DENND1B: variants seen among roughly 807,000 people sequenced by gnomAD.
The protein encoded by DENND1B is DENN domain containing 1B, also known as DENN domain-containing protein 1B.
A neutral mutation model predicts 90.1 loss-of-function variants in DENND1B; 59 were observed. That is an observed-to-expected ratio of 0.65 (90% CI 0.53 to 0.81). The LOEUF (loss-of-function observed/expected upper bound fraction) is 0.81, where lower values mean the gene tolerates loss of function less well. Ranked by LOEUF, DENND1B falls within the 40% of genes least tolerant of loss-of-function variation. The pLI is 0.00. For missense variants in DENND1B, 862 were observed against 912.6 expected (o/e 0.94, Z 0.71); for synonymous variants, 337 against 324.6 (o/e 1.04, Z -0.41).
At chr1:197,633,733 A>G (rs778508465) in intron 10 of DENND1B, among the ~76,000 whole-genome samples, 2 of 152,066 alleles carry the variant, frequency 1.3e-5, no homozygotes, top group Non-Finnish European at 2.9e-5. Context: ...AAGCCTTTCT[A>G]CTGCCTGGTT....
intron 3 of DENND1B, among the ~76,000 whole-genome samples, chr1:197,708,266 C>T (rs2102202621): frequency 2.1e-5 from 1 of 48,718 alleles, no homozygotes; most frequent in African/African-American, 8.7e-5. Flanking sequence ...GGCTCCACCT[C>T]TGGGGGCAGG....
At chr1:197,520,584 C>G (rs1201633551) in intron 20 of DENND1B, among the ~76,000 whole-genome samples, 1 of 151,850 alleles carries the variant, frequency 6.6e-6, no homozygotes, top group Non-Finnish European at 1.5e-5. Flanking sequence ...ACTGTACAGA[C>G]CTGGTGTAGC....
intron 10 of DENND1B, among the ~76,000 whole-genome samples, chr1:197,619,885 G>A (rs183699588): frequency 3.1e-4 from 47 of 151,290 alleles, no homozygotes; most frequent in Non-Finnish European, 7.4e-5. Flanking sequence ...TGCTAATCAA[G>A]ATCTACCAGA....
chr1:197,675,877 C>G (rs190809051), intron 3 of DENND1B, among the ~76,000 whole-genome samples: 4 of 151,914 alleles, frequency 2.6e-5, no homozygotes, highest in African/African-American at 7.3e-5. Context: ...TCAAGACGAA[C>G]GCTTCCCAGT....
chr1:197,666,821 C>T (rs1654979472), intron 5 of DENND1B, among the ~76,000 whole-genome samples: 1 of 152,116 alleles, frequency 6.6e-6, no homozygotes, highest in African/African-American at 2.4e-5. Flanking sequence ...TCCTTTTCCC[C>T]CTAAAATTAC....
At chr1:197,730,175 T>A (rs1662024482) in intron 2 of DENND1B, among the ~76,000 whole-genome samples, 1 of 152,118 alleles carries the variant, frequency 6.6e-6, no homozygotes, top group African/African-American at 2.4e-5. Flanking sequence ...AAAGTCAAGG[T>A]ATAATTATTT....
chr1:197,539,069 T>C (rs1205494017), intron 20 of DENND1B, among the ~76,000 whole-genome samples: 1 of 152,160 alleles, frequency 6.6e-6, no homozygotes, highest in Non-Finnish European at 1.5e-5. Context: ...CAGCACAAAA[T>C]GGGCTCAAAG....
chr1:197,606,844 T>C (rs191305608), intron 13 of DENND1B: 16 of 420,602 alleles, frequency 3.8e-5, no homozygotes, highest in Non-Finnish European at 5.5e-5. Context: ...TGCATCTAGC[T>C]TTTTAATTAT....
intron 5 of DENND1B, among the ~76,000 whole-genome samples, chr1:197,665,483 G>C (rs1240877038): frequency 6.6e-6 from 1 of 152,048 alleles, no homozygotes; most frequent in Non-Finnish European, 1.5e-5. Context: ...AGACCACTTG[G>C]CTATGGTAAA....
chr1:197,547,497 T>C (rs1670903051), intron 16 of DENND1B, among the ~76,000 whole-genome samples: 1 of 152,220 alleles, frequency 6.6e-6, no homozygotes, highest in African/African-American at 2.4e-5. Flanking sequence ...GATTCACTTC[T>C]GTATTTAAAA....
At chr1:197,577,839 G>A (rs1290050527) in intron 15 of DENND1B, among the ~76,000 whole-genome samples, 5 of 152,148 alleles carry the variant, frequency 3.3e-5, no homozygotes, top group Non-Finnish European at 5.9e-5. Context: ...GAATGTTAGA[G>A]ATGAGAGGTA....
At chr1:197,543,174 A>C (rs1670471095) in intron 18 of DENND1B, among the ~76,000 whole-genome samples, 1 of 152,124 alleles carries the variant, frequency 6.6e-6, no homozygotes, top group Admixed American at 6.6e-5. Context: ...ACCTCAAGCG[A>C]TCCACCTGCC....
rs142471580 is a variant in DENND1B at position 197,764,161 on chromosome 1, T to C, written c.82+8707A>G. Among the ~76,000 whole-genome samples the C allele has an allele frequency of 1.0e-3, 152 of 152,290 alleles. 1 individual carries two copies. Among genetic ancestry groups the C allele is most frequent in the African/African-American group, 3.5e-3 (147 of 41,558 alleles). ...GTTAAGAGCTCAGGCTCTAGTACCATAGAGACAAGTTCAAATCCTAGTCTT... is the reference window on the plus strand; with the variant it reads ...GTTAAGAGCTCAGGCTCTAGTACCACAGAGACAAGTTCAAATCCTAGTCTT... On this transcript the variant is annotated intron_variant, in intron 2 of 22. Coordinates refer to ENST00000620048, the MANE Select transcript of DENND1B (RefSeq NM_001195215.2).
intron 2 of DENND1B, among the ~76,000 whole-genome samples, chr1:197,754,819 C>G (rs147146615): frequency 1.3e-5 from 2 of 151,926 alleles, no homozygotes. Flanking sequence ...TGCAAATATA[C>G]TCATATAGAG....
rs1032346729 is a variant in DENND1B, at chr1:197,545,988, T to C, written c.1284A>G (p.Lys428=). ...SYQQWVHTVK[K]GGALFNTAMT... ...TTGCTGTGTTGAACAGTGCACCTCCTTTCTGCAAAAGAAAAACAGAAACAT... is the reference window on the plus strand; with the variant it reads ...TTGCTGTGTTGAACAGTGCACCTCCCTTCTGCAAAAGAAAAACAGAAACAT... Residue 428 remains lysine (K), a splice_region_variant and synonymous_variant, in exon 18 of 23, where the codon AAA becomes AAG. Coordinates refer to ENST00000620048, the MANE Select transcript of DENND1B (RefSeq NM_001195215.2). 1 of 1,599,184 alleles carries C rather than the reference T, an allele frequency of 6.3e-7. No homozygotes were observed. The highest frequency in any genetic ancestry group is 1.8e-5 in the Admixed American group (1 of 55,800).
intron 2 of DENND1B, among the ~76,000 whole-genome samples, chr1:197,741,205 T>C (rs1433964575): frequency 6.6e-6 from 1 of 152,172 alleles, no homozygotes; most frequent in African/African-American, 2.4e-5. Flanking sequence ...AAATAACATC[T>C]CCTGCCAGAG....
At chr1:197,736,216 T>C (rs749130890) in intron 2 of DENND1B, 3 of 426,784 alleles carry the variant, frequency 7.0e-6, no homozygotes, top group African/African-American at 6.3e-5. Flanking sequence ...AAGCTCAATT[T>C]TAAGCTGCAG....
chr1:197,567,419 T>C (rs1406508451), intron 15 of DENND1B, among the ~76,000 whole-genome samples: 2 of 152,046 alleles, frequency 1.3e-5, no homozygotes, highest in Non-Finnish European at 2.9e-5. Context: ...GTAACAAACA[T>C]TTAAAGAATA....
chr1:197,716,534 A>T (rs1439507105), intron 2 of DENND1B, among the ~76,000 whole-genome samples: 2 of 151,880 alleles, frequency 1.3e-5, no homozygotes, highest in Non-Finnish European at 2.9e-5. Flanking sequence ...CAATTAAAAA[A>T]AATAGACATA....
Sources: allele counts gnomAD v4.1 joint callset (sites outside exome capture counted in the v4.1 genomes callset), GRCh38; gene constraint gnomAD v4.1.1; transcripts MANE v1.5; gene names NCBI Gene and HGNC (gene_info 2026-07-23, HGNC 2026-07-21).